The following CFAP57 variants were observed in gnomAD, a reference collection of about 807,000 sequenced individuals.
CFAP57 encodes the protein cilia and flagella associated protein 57.
CFAP57 carries 116 observed loss-of-function variants against 146.8 expected under a neutral mutation model. The observed-to-expected ratio is 0.79, with a 90% CI of 0.68 to 0.92. The LOEUF (loss-of-function observed/expected upper bound fraction) is 0.92, where lower values mean the gene tolerates loss of function less well. Among genes scored for constraint, CFAP57 ranks in the 40% least tolerant of loss-of-function variants. The pLI is 0.00. For missense variants in CFAP57, 1,377 were observed against 1,527.2 expected (o/e 0.90, Z 1.64); for synonymous variants, 518 against 552.8 (o/e 0.94, Z 0.88).
intron 5 of CFAP57, 94 bp from the exon 6 acceptor site, chr1:43,186,610 CAAA>C (rs36219136): frequency 0.024 from 17,159 of 725,328 alleles, no homozygotes; most frequent in Non-Finnish European, 0.027. Flanking sequence ...GACTCCGTCT[CAAA>C]AAAAAAAAAA....
At chr1:43,252,088 C>T (rs909264331) in intron 22 of CFAP57, among the ~76,000 whole-genome samples, 5 of 152,050 alleles carry the variant, frequency 3.3e-5, no homozygotes, top group African/African-American at 1.2e-4. Context: ...CTTTGCTTTC[C>T]TTCCAGTTTA....
chr1:43,180,957 C>T (rs987543849), intron 2 of CFAP57, among the ~76,000 whole-genome samples: 3 of 152,160 alleles, frequency 2.0e-5, no homozygotes, highest in East Asian at 1.9e-4. Context: ...ACATCCACCC[C>T]GTGGCTCAAG....
chr1:43,210,471 A>G, intron 11 of CFAP57: 1 of 1,001,402 alleles, frequency 1.0e-6, no homozygotes, highest in African/African-American at 1.7e-5. Context: ...GTATATCTAT[A>G]CAATGGAACA....
intron 2 of CFAP57, among the ~76,000 whole-genome samples, chr1:43,180,375 T>C (rs1017751141): frequency 6.6e-6 from 1 of 151,958 alleles, no homozygotes; most frequent in Non-Finnish European, 1.5e-5. Context: ...TTCAAATAAA[T>C]ACTAAAACAT....
chr1:43,177,535 T>A (rs1368798068), intron 2 of CFAP57, among the ~76,000 whole-genome samples: 2 of 152,070 alleles, frequency 1.3e-5, no homozygotes, highest in Non-Finnish European at 2.9e-5. Flanking sequence ...AATTTGAGGG[T>A]CATCAGCCTA....
chr1:43,247,302 A>G (rs1003420183), intron 22 of CFAP57, among the ~76,000 whole-genome samples: 1 of 152,208 alleles, frequency 6.6e-6, no homozygotes, highest in African/African-American at 2.4e-5. Context: ...GGAGACTACC[A>G]TGTTACCCAG....
At chr1:43,186,576 A>G in intron 5 of CFAP57, 131 bp from the exon 6 acceptor site, 1 of 960,890 alleles carries the variant, frequency 1.0e-6, no homozygotes, top group Non-Finnish European at 1.5e-6. Flanking sequence ...GTGCCACTGC[A>G]CTCTGGCCTG....
chr1:43,227,452 G>A (rs1340280510), intron 18 of CFAP57, among the ~76,000 whole-genome samples: 1 of 152,224 alleles, frequency 6.6e-6, no homozygotes, highest in East Asian at 1.9e-4. Flanking sequence ...AGAGGGCAGT[G>A]TGTACTCAGC....
At chr1:43,231,110 C>T (rs1645449293) in intron 18 of CFAP57, among the ~76,000 whole-genome samples, 1 of 152,190 alleles carries the variant, frequency 6.6e-6, no homozygotes, top group Admixed American at 6.5e-5. Context: ...TGCCATTATT[C>T]GTTCATTCAT....
chr1:43,180,591 G>A (rs1040368707), intron 2 of CFAP57, among the ~76,000 whole-genome samples: 5 of 152,086 alleles, frequency 3.3e-5, no homozygotes, highest in Admixed American at 2.6e-4. Flanking sequence ...CTCAGCAGGC[G>A]TGCATGCCCA....
intron 6 of CFAP57, 122 bp downstream of exon 6, chr1:43,186,981 C>T: frequency 1.8e-6 from 2 of 1,130,626 alleles, no homozygotes; most frequent in South Asian, 2.7e-5. Context: ...CCCCTTAATA[C>T]AGAGCAAAAC....
At chr1:43,190,202 A>G (rs148429897) in intron 6 of CFAP57, among the ~76,000 whole-genome samples, 75 of 151,992 alleles carry the variant, frequency 4.9e-4, no homozygotes, top group African/African-American at 1.6e-3. Context: ...TATCATGTCA[A>G]ATATCAGTGA....
intron 6 of CFAP57, among the ~76,000 whole-genome samples, chr1:43,191,586 CAA>C (rs10672819): frequency 6.2e-5 from 4 of 65,030 alleles, no homozygotes; most frequent in Non-Finnish European, 6.1e-5. Context: ...GACTCCGTCT[CAA>C]AAAAAAAAAA....
At chr1:43,189,268 A>G (rs539502400) in intron 6 of CFAP57, among the ~76,000 whole-genome samples, 158 of 152,306 alleles carry the variant, frequency 1.0e-3, no homozygotes, top group African/African-American at 3.5e-3. Context: ...CAGCTTTTCA[A>G]TTTCTACAAG....
At chr1:43,218,002 T>A (rs1274932312) in intron 12 of CFAP57, among the ~76,000 whole-genome samples, 1 of 152,184 alleles carries the variant, frequency 6.6e-6, no homozygotes. Context: ...CCTCTCTGAC[T>A]TTGCACGTGC....
rs1417884657 is a variant in CFAP57, at chr1:43,238,432, A to T, written c.3405+3794A>T. On this transcript the variant is annotated intron_variant, in intron 21 of 22. Coordinates refer to ENST00000372492, the MANE Select transcript of CFAP57 (RefSeq NM_001378189.1). This position sits in a 1 kb window ranked among gnomAD's most constrained non-coding sequence, Gnocchi z 4.3. ...AAGCTTTTTACATAAACAGTTTCAC[A>T]TCCCCCAAGACTTGGCACGTTGGTG... Among the ~76,000 whole-genome samples the T allele has an allele frequency of 2.0e-5, 3 of 152,200 alleles. No homozygotes were observed. The highest frequency in any genetic ancestry group is 7.2e-5 in the African/African-American group (3 of 41,454).
At chr1:43,210,580 A>G (rs1366591533) in intron 11 of CFAP57, 2 of 267,166 alleles carry the variant, frequency 7.5e-6, no homozygotes, top group Non-Finnish European at 1.2e-5. Flanking sequence ...CCACAAAAAG[A>G]TAAGTACAGT....
chr1:43,222,197 C>T lies in CFAP57; in HGVS notation c.2434C>T (p.Gln812Ter). ...GAGGATGCAGGAAGAGTATGAAAAA[C>T]AGCTCCGGGATAACGATGAGACCAA... ...SQRMQEEYEK[Q>*]LRDNDETKSQ... Residue 812 changes from glutamine (Q) to a stop codon, truncating the protein, a stop_gained, in exon 15 of 23, where the codon CAG becomes TAG. Coordinates refer to ENST00000372492, the MANE Select transcript of CFAP57 (RefSeq NM_001378189.1). LOFTEE classifies it high-confidence loss of function. The T allele has an allele frequency of 6.5e-7, 1 of 1,543,014 alleles. No individual in the cohort carries two copies. Among genetic ancestry groups the T allele is most frequent in the African/African-American group, 1.4e-5 (1 of 72,830 alleles).
Position 43,205,021 on chromosome 1 carries a change from T to A in CFAP57, c.1543-1699T>A, listed in dbSNP as rs113186202. Among the ~76,000 whole-genome samples the A allele has an allele frequency of 3.6e-4, 55 of 152,150 alleles. 1 individual carries two copies. Among genetic ancestry groups the A allele is most frequent in the African/African-American group, 8.9e-4 (37 of 41,490 alleles). The stretch of plus-strand genomic sequence containing the variant: ...TGAGACTCTGCCCTATGTTAACGGG[T>A]CTTTGTGTAGCTTAGGAGATGCTTT... On this transcript the variant is annotated intron_variant, in intron 9 of 22. Transcript: ENST00000372492.
Sources: gnomAD v4.1 joint callset for allele counts (sites outside exome capture counted in the v4.1 genomes callset) on GRCh38, gnomAD v4.1.1 for gene constraint, Gnocchi (gnomAD v3.1) non-coding constraint, MANE v1.5 for transcripts, NCBI Gene and HGNC (gene_info 2026-07-23, HGNC 2026-07-21) for gene names.